Variants in LRSAM1 observed in about 807,000 individuals in gnomAD.
LRSAM1 encodes the protein E3 ubiquitin-protein ligase LRSAM1.
Under a neutral mutation model 118.1 loss-of-function variants are expected in LRSAM1, and 96 were observed. That is an observed-to-expected ratio of 0.81 (90% CI 0.69 to 0.96). The LOEUF (loss-of-function observed/expected upper bound fraction) is 0.96, where lower values mean the gene tolerates loss of function less well. LRSAM1 is among the 40% of genes least tolerant of loss of function. The pLI is 0.00. For missense variants in LRSAM1, 804 were observed against 915.5 expected (o/e 0.88, Z 1.57); for synonymous variants, 322 against 364.2 (o/e 0.88, Z 1.32).
In LRSAM1 at chr9:127,484,263, C is replaced by T. The variant is rs1393635415; in HGVS notation, c.1159+1243C>T. ...ATAGCATGTGTTTGAATTTCTTTCCCTTTTTTTTTTTTTTTTTCCTGCTTC... is the reference window on the plus strand; with the variant it reads ...ATAGCATGTGTTTGAATTTCTTTCCTTTTTTTTTTTTTTTTTTCCTGCTTC... On this transcript the variant is annotated intron_variant, in intron 16 of 25. Coordinates refer to ENST00000300417, the MANE Select transcript of LRSAM1 (RefSeq NM_001005373.4). Among the ~76,000 whole-genome samples the T allele has an allele frequency of 4.0e-4, 53 of 133,658 alleles. 1 individual carries two copies. Among genetic ancestry groups the T allele is most frequent in the African/African-American group, 1.4e-3 (49 of 35,860 alleles). 87.7% of individuals were successfully genotyped at this position (133,658 alleles called of 152,430 possible).
In LRSAM1 at chr9:127,479,841, G is replaced by A. The variant is rs776366381; in HGVS notation, c.906G>A (p.Glu302=). 2 of 1,611,708 alleles carry A rather than the reference G, an allele frequency of 1.2e-6. No individual in the cohort carries two copies. Residue 302 remains glutamate, a splice_region_variant and synonymous_variant, in exon 14 of 26, where the codon GAG becomes GAA. Transcript: ENST00000300417. ...KDEILQTVKE[E]QSRLEQGLSE... is the part of the protein sequence containing the mutation. Reference sequence around the variant, plus strand: ...AGGACCCCTACCTCCGGCTGCAGGAGCAGTCCCGGCTGGAGCAGGGCCTGA... The same window carrying A: ...AGGACCCCTACCTCCGGCTGCAGGAACAGTCCCGGCTGGAGCAGGGCCTGA...
intron 10 of LRSAM1, among the ~76,000 whole-genome samples, chr9:127,473,146 C>T (rs893228626): frequency 6.6e-6 from 1 of 152,212 alleles, no homozygotes; most frequent in African/African-American, 2.4e-5. Flanking sequence ...GTCTCCTGCC[C>T]ATTTTTAGTA....
At chr9:127,454,661 G>T in intron 3 of LRSAM1, 62 bp downstream of exon 3, 3 of 1,509,382 alleles carry the variant, frequency 2.0e-6, no homozygotes, top group Admixed American at 1.8e-5. Context: ...CATGGAGTAG[G>T]CCTCCGCACT....
chr9:127,462,115 C>T, intron 8 of LRSAM1, 137 bp from the exon 9 acceptor site: 1 of 1,233,640 alleles, frequency 8.1e-7, no homozygotes, highest in Non-Finnish European at 1.1e-6. Context: ...GGAACTCCAC[C>T]TTCTTGAGCC....
chr9:127,493,839 G>A (rs1484000142), intron 21 of LRSAM1, among the ~76,000 whole-genome samples: 5 of 152,200 alleles, frequency 3.3e-5, no homozygotes, highest in Non-Finnish European at 7.3e-5. Flanking sequence ...CATCTGGGGT[G>A]GAAAAGACCG....
intron 11 of LRSAM1, among the ~76,000 whole-genome samples, chr9:127,475,359 C>T (rs932003706): frequency 5.9e-5 from 9 of 152,062 alleles, no homozygotes; most frequent in African/African-American, 1.9e-4. Context: ...GGCATGGAGG[C>T]GTGCACCTGT....
chr9:127,463,241 A>G (rs182178535), intron 9 of LRSAM1, among the ~76,000 whole-genome samples: 1 of 151,466 alleles, frequency 6.6e-6, no homozygotes, highest in East Asian at 1.9e-4. Context: ...GACCTGGATA[A>G]CAGGGGCAGC....
intron 16 of LRSAM1, 109 bp from the exon 17 acceptor site, chr9:127,485,627 G>A (rs1333881388): frequency 5.3e-6 from 5 of 944,856 alleles, no homozygotes; most frequent in African/African-American, 3.2e-5. Flanking sequence ...AACCAGGTGA[G>A]GCCTCAAGGC....
In LRSAM1 at chr9:127,479,598, A is replaced by G. The variant is rs56131876; in HGVS notation, c.903+93A>G. ...CAAGGTCCCTCGGATGTGGAAAGGC[A>G]GTGGGATGAAGCTGTCACTTCCTTC... On this transcript the variant is annotated intron_variant, in intron 13 of 25. Transcript: ENST00000300417. The G allele has an allele frequency of 0.035, 54,380 of 1,555,488 alleles. 1,167 individuals carry two copies. The highest frequency in any genetic ancestry group is 0.096 in the East Asian group (4,139 of 43,110).
At chr9:127,467,695 T>C in intron 9 of LRSAM1, 45 bp from the exon 10 acceptor site, 1 of 1,550,476 alleles carries the variant, frequency 6.4e-7, no homozygotes, top group Non-Finnish European at 8.8e-7. Flanking sequence ...GGTCTCCGGT[T>C]GCGTTGGTAG....
At chr9:127,479,610 C>A (rs1835458647) in intron 13 of LRSAM1, 105 bp downstream of exon 13, 2 of 1,516,072 alleles carry the variant, frequency 1.3e-6, no homozygotes, top group South Asian at 1.2e-5. Flanking sequence ...TGGGATGAAG[C>A]TGTCACTTCC....
chr9:127,485,886 A>C (rs370608535), intron 17 of LRSAM1, 51 bp downstream of exon 17: 1 of 1,572,298 alleles, frequency 6.4e-7, no homozygotes, highest in African/African-American at 1.3e-5. Context: ...GAGCTGGCTC[A>C]GGGCCCAAGA....
chr9:127,487,183 CAAA>C (rs143561853), intron 17 of LRSAM1, among the ~76,000 whole-genome samples: 7 of 105,182 alleles, frequency 6.7e-5, no homozygotes, highest in East Asian at 3.8e-4. Flanking sequence ...GACTCTGTCT[CAAA>C]AAAAAAAAAA....
rs1394319051 is a variant in LRSAM1 at position 127,465,577 on chromosome 9, TC to T, written c.529-2161del. On this transcript the variant is annotated intron_variant, in intron 9 of 25. Coordinates refer to ENST00000300417, the MANE Select transcript of LRSAM1 (RefSeq NM_001005373.4). The surrounding 1 kb of genome is among the most constrained non-coding windows in gnomAD (Gnocchi z 4.1). Reference sequence around the variant, plus strand: ...GGCCCTCAGCATCTGGGCGGTCAGTTCCTCTTCCCTGGGGCAGTCTCCCACT... The same window carrying T: ...GGCCCTCAGCATCTGGGCGGTCAGTTCTCTTCCCTGGGGCAGTCTCCCACT... Among the ~76,000 whole-genome samples, 3 of 152,210 alleles carry T rather than the reference TC, an allele frequency of 2.0e-5. No individual in the cohort carries two copies. Among genetic ancestry groups the T allele is most frequent in the Non-Finnish European group, 2.9e-5 (2 of 68,032 alleles).
In LRSAM1 at chr9:127,502,879, C is replaced by T. The variant is rs368202093; in HGVS notation, c.2152C>T (p.Arg718Cys). The T allele has an allele frequency of 4.6e-5, 74 of 1,605,640 alleles. No individual in the cohort carries two copies. The highest frequency in any genetic ancestry group is 1.6e-4 in the South Asian group (14 of 89,836). ...LCRQDIAQRL[R>C]IYHSS Reference sequence around the variant, plus strand: ...CCGCCAGGACATCGCCCAGCGCCTCCGCATCTACCACAGCAGCTGAGTGCT... The same window carrying T: ...CCGCCAGGACATCGCCCAGCGCCTCTGCATCTACCACAGCAGCTGAGTGCT... Residue 718 changes from arginine (R) to cysteine (C), a missense_variant, in exon 26 of 26, where the codon CGC (arginine) becomes TGC (cysteine). Coordinates refer to ENST00000300417, the MANE Select transcript of LRSAM1 (RefSeq NM_001005373.4).
At chr9:127,456,143 G>C (rs1328363522) in intron 5 of LRSAM1, among the ~76,000 whole-genome samples, 1 of 120,348 alleles carries the variant, frequency 8.3e-6, no homozygotes, top group Non-Finnish European at 1.6e-5. Context: ...TCTAAGTGAA[G>C]TATCTAAATG....
At chr9:127,460,759 G>C (rs1301708764) in intron 7 of LRSAM1, among the ~76,000 whole-genome samples, 3 of 152,030 alleles carry the variant, frequency 2.0e-5, no homozygotes, top group Admixed American at 6.5e-5. Context: ...TGTAGTGCCT[G>C]GGTGCCCTGG....
intron 20 of LRSAM1, 78 bp downstream of exon 20, chr9:127,491,373 C>A: frequency 1.7e-6 from 2 of 1,157,486 alleles, no homozygotes; most frequent in African/African-American, 1.5e-5. Flanking sequence ...CCTCTGGCAG[C>A]TGCTCACCAG....
At chr9:127,479,339 C>T (rs756972573) in intron 12 of LRSAM1, 44 bp from the exon 13 acceptor site, 5 of 1,613,790 alleles carry the variant, frequency 3.1e-6, no homozygotes, top group Non-Finnish European at 4.2e-6. Flanking sequence ...GTCCTAACTC[C>T]CCCAGGGCCT....
Sources: gnomAD v4.1 joint callset for allele counts (sites outside exome capture counted in the v4.1 genomes callset) on GRCh38, gnomAD v4.1.1 for gene constraint, Gnocchi (gnomAD v3.1) non-coding constraint, MANE v1.5 for transcripts, NCBI Gene and HGNC (gene_info 2026-07-23, HGNC 2026-07-21) for gene names.